TTN: variants seen among roughly 807,000 people sequenced by gnomAD.
TTN encodes the protein connectin.
Under a neutral mutation model 3,223.0 loss-of-function variants are expected in TTN, and 1,525 were observed. The observed-to-expected ratio is 0.47, with a 90% CI of 0.45 to 0.49. TTN has a LOEUF of 0.49. TTN is among the 20% of genes least tolerant of loss of function. The pLI is 0.00. For synonymous variants in TTN, 14,094 were observed against 15,161.0 expected, an observed-to-expected ratio of 0.93 and a Z score of 5.17; for missense variants, 40,786 against 43,424.0, an observed-to-expected ratio of 0.94 and a Z score of 5.40.
chr2:178,752,743 G>A (rs2085890167), intron 47 of TTN, among the ~76,000 whole-genome samples: 1 of 152,042 alleles, frequency 6.6e-6, no homozygotes, highest in Admixed American at 6.6e-5. Context: ...TGCATTCTGA[G>A]AATGACAGCT....
chr2:178,685,259 C>A lies in TTN; in HGVS notation c.32464G>T (p.Ala10822Ser). The change falls in exon 129 of 363, where the codon GCT (alanine) becomes TCT (serine). Residue 10822 changes from alanine to serine, a missense_variant. By Grantham distance (99) the Ala-to-Ser change is moderately conservative (BLOSUM62 1). Coordinates refer to ENST00000589042, the MANE Select transcript of TTN (RefSeq NM_001267550.2). The part of the protein sequence containing the change: ...IPAKIEEPPP[A>S]KVPEAPKKIV... The stretch of plus-strand genomic sequence containing the variant: ...TCTTTGAAAGAAATCATACCTTTAG[C>A]CGGTGGAGGCTCCTCTATTTTAGCA... 4 of 1,545,580 alleles carry A rather than the reference C, an allele frequency of 2.6e-6. No individual in the cohort carries two copies. The highest frequency in any genetic ancestry group is 3.5e-6 in the Non-Finnish European group (4 of 1,145,526).
intron 43 of TTN, among the ~76,000 whole-genome samples, chr2:178,762,365 C>A (rs1221474760): frequency 1.3e-5 from 2 of 152,162 alleles, no homozygotes; most frequent in Non-Finnish European, 2.9e-5. Context: ...TTTACAAAGC[C>A]TATTCAAACC....
At chr2:178,643,482 T>C (rs2061506368) in intron 218 of TTN, among the ~76,000 whole-genome samples, 1 of 151,960 alleles carries the variant, frequency 6.6e-6, no homozygotes, top group Admixed American at 6.6e-5. Context: ...TTAATAACTA[T>C]TTTTATTGCT....
In TTN at chr2:178,571,238, T is replaced by C; in HGVS notation, c.74894A>G (p.Gln24965Arg). ...AAGGCCAGTTGTCTTAAACTTGGTT[T>C]GAGGAATAGGTGTTTTATTCAACTT... ...WVKLNKTPIP[Q>R]TKFKTTGLEE... is the part of the protein sequence containing the mutation. The change falls in exon 326 of 363, where the codon CAA becomes CGA. Residue 24965 changes from glutamine to arginine, a missense_variant. Coordinates refer to ENST00000589042, the MANE Select transcript of TTN (RefSeq NM_001267550.2). The C allele has an allele frequency of 6.2e-7, 1 of 1,613,560 alleles. No individual in the cohort carries two copies. Among genetic ancestry groups the C allele is most frequent in the Non-Finnish European group, 8.5e-7 (1 of 1,179,628 alleles).
At chr2:178,587,019 T>C (rs181791931) in intron 307 of TTN, 99 bp downstream of exon 307, 2 of 1,502,688 alleles carry the variant, frequency 1.3e-6, no homozygotes, top group Non-Finnish European at 1.8e-6. Context: ...TCTCTACAAA[T>C]GAAATCTCTT....
chr2:178,612,232 G>C, intron 266 of TTN, 45 bp downstream of exon 266: 3 of 1,605,920 alleles, frequency 1.9e-6, no homozygotes, highest in Non-Finnish European at 2.5e-6. Context: ...CAAAAATTAA[G>C]TGCGAGAGCA....
Position 178,542,341 on chromosome 2 carries a change from A to G in TTN, c.97415T>C (p.Phe32472Ser). The change falls in exon 349 of 363, where the codon TTC becomes TCC. Residue 32472 changes from phenylalanine (F) to serine (S), a missense_variant. By Grantham distance (155) the Phe-to-Ser change is radical. Coordinates refer to ENST00000589042, the MANE Select transcript of TTN (RefSeq NM_001267550.2). ...GAAGCGGTTTGTTGCAGCCACACGG[A>G]ACACATACTCATTTCCTTCGGTGAG... ...TRLTEGNEYV[F>S]RVAATNRFGI... The G allele has an allele frequency of 6.2e-7, 1 of 1,613,506 alleles. No individual in the cohort carries two copies. Among genetic ancestry groups the G allele is most frequent in the Non-Finnish European group, 8.5e-7 (1 of 1,179,664 alleles).
intron 164 of TTN, 115 bp from the exon 165 acceptor site, chr2:178,665,575 T>C (rs2065786290): frequency 1.5e-6 from 2 of 1,341,066 alleles, no homozygotes; most frequent in Non-Finnish European, 2.1e-6. Context: ...TTAAAGAATC[T>C]GAGGAGGTAT....
chr2:178,584,493 A>G lies in TTN; in HGVS notation c.65058T>C (p.Asp21686=). 3 of 1,613,316 alleles carry G rather than the reference A, an allele frequency of 1.9e-6. No individual in the cohort carries two copies. Among genetic ancestry groups the G allele is most frequent in the Non-Finnish European group, 2.5e-6 (3 of 1,179,546 alleles). Residue 21686 remains aspartate, a synonymous_variant, in exon 311 of 363, where the codon GAT becomes GAC. Transcript: ENST00000589042. The part of the protein sequence containing the change: ...IFVAWDRPDS[D]GGSPIIGYLI... The stretch of plus-strand genomic sequence containing the variant: ...GATAACCAATAATGGGGCTCCCTCC[A>G]TCACTATCTGGTCTGTCCCAAGCAA...
chr2:178,608,479 T>G lies in TTN; in HGVS notation c.52406-2A>C, dbSNP rs753798236. 3 of 1,574,136 alleles carry G rather than the reference T, an allele frequency of 1.9e-6. No homozygotes were observed. In the African/African-American group the frequency reaches 4.1e-5, roughly 22 times the overall value. On this transcript the variant is annotated splice_acceptor_variant, in intron 274 of 362. Transcript: ENST00000589042. LOFTEE classifies it high-confidence loss of function. ...GCTTATCTGGTGCATCAGGTGGTCC[T>G]GATAAAAAAATAACATTTGAAGTAA... is the stretch of plus-strand genomic sequence containing the variant.
At position 178,540,265 on chromosome 2, in the gene TTN, C is replaced by G. The variant is rs752930173; in HGVS notation, c.97901G>C (p.Gly32634Ala). The change falls in exon 351 of 363, where the codon GGC becomes GCC. Residue 32634 changes from glycine (G) to alanine (A), a missense_variant. Physicochemically the swap from Gly to Ala is moderately conservative, Grantham distance 60. Transcript: ENST00000589042. ...TACTTTTTGCATTTCAATCAAGTAG[C>G]CTGTGACTTTAGATCCTCCTTCATC... ...PEDEGGSKVT[G>A]YLIEMQKVDQ... The G allele has an allele frequency of 6.8e-6, 11 of 1,613,720 alleles. No individual in the cohort carries two copies. In the African/African-American group the frequency reaches 1.1e-4, roughly 16 times the overall value.
intron 17 of TTN, among the ~76,000 whole-genome samples, chr2:178,783,460 C>G (rs2092947000): frequency 6.6e-6 from 1 of 152,078 alleles, no homozygotes; most frequent in Non-Finnish European, 1.5e-5. Flanking sequence ...CTGCACAGCT[C>G]CTGCAATAAT....
chr2:178,746,604 T>C, intron 47 of TTN: 1 of 1,613,254 alleles, frequency 6.2e-7, no homozygotes, highest in Non-Finnish European at 8.5e-7. Flanking sequence ...TTTGCAAAGC[T>C]CTTTGCTTCC....
chr2:178,607,397 T>C lies in TTN; in HGVS notation c.53287+4A>G. On this transcript the variant is annotated splice_donor_region_variant and intron_variant, in intron 277 of 362. Coordinates refer to ENST00000589042, the MANE Select transcript of TTN (RefSeq NM_001267550.2). ...CCTGTGAAAATCAGTGCAACATTCCTTACCAAAAACTTCTACCCTGGCTGC... is the reference window on the plus strand; with the variant it reads ...CCTGTGAAAATCAGTGCAACATTCCCTACCAAAAACTTCTACCCTGGCTGC... 1 of 1,612,988 alleles carries C rather than the reference T, an allele frequency of 6.2e-7. No homozygotes were observed. The highest frequency in any genetic ancestry group is 8.5e-7 in the Non-Finnish European group (1 of 1,179,336).
chr2:178,724,702 T>C (rs912432192), intron 71 of TTN, 164 bp from the exon 72 acceptor site: 9 of 616,884 alleles, frequency 1.5e-5, no homozygotes, highest in East Asian at 6.9e-5. Flanking sequence ...CATAGAATTA[T>C]AGCTATTTTT....
At position 178,575,052 on chromosome 2, in the gene TTN, T is replaced by G. The variant is rs1432742107; in HGVS notation, c.71080A>C (p.Asn23694His). 1 of 1,613,468 alleles carries G rather than the reference T, an allele frequency of 6.2e-7. No homozygotes were observed. The highest frequency in any genetic ancestry group is 1.1e-5 in the South Asian group (1 of 91,074). Residue 23694 changes from asparagine (N) to histidine (H), a missense_variant, in exon 326 of 363, where the codon AAT (asparagine) becomes CAT (histidine). Asn to His is a moderately conservative substitution (Grantham distance 68). Transcript: ENST00000589042. The surrounding 1 kb of genome is among the most constrained non-coding windows in gnomAD (Gnocchi z 4.0). ...TTATSTILNI[N>H]ECVRSDSGPY... ...CCACTATCACTTCTGACACACTCAT[T>G]GATATTTAAAATGGTTGAAGTCGCT...
At chr2:178,757,969 C>A in intron 44 of TTN, 53 bp from the exon 45 acceptor site, 1 of 1,494,226 alleles carries the variant, frequency 6.7e-7, no homozygotes. Context: ...GAAACCAGAA[C>A]TCATTTGGAG....
chr2:178,777,880 G>C lies in TTN; in HGVS notation c.4304C>G (p.Ala1435Gly), dbSNP rs1399591625. ...ARMSPARMSP[A>G]RMSPGRRLEE... ...CAGCCTACGTCCAGGGGACATTCTT[G>C]CAGGGGACATCCGTGCAGGAGACAT... The change falls in exon 25 of 363, where the codon GCA (alanine) becomes GGA (glycine). Residue 1435 changes from alanine to glycine, a missense_variant. Ala to Gly is a moderately conservative substitution (Grantham distance 60). Transcript: ENST00000589042. 6.2e-7 allele frequency: 1 copy of C among 1,614,048 alleles called. No individual in the cohort carries two copies. Among genetic ancestry groups the C allele is most frequent in the East Asian group, 2.2e-5 (1 of 44,862 alleles).
In TTN at chr2:178,578,822, A is replaced by T. The variant is rs727503575; in HGVS notation, c.68208T>A (p.Val22736=). The T allele has an allele frequency of 7.0e-5, 112 of 1,610,910 alleles. No individual in the cohort carries two copies. The highest frequency in any genetic ancestry group is 8.1e-5 in the Non-Finnish European group (96 of 1,178,028). Residue 22736 remains valine, a synonymous_variant, in exon 320 of 363, where the codon GTT becomes GTA. Transcript: ENST00000589042. ...GACACTTACCAAATGGATGTCTCGCAACAATTGGCTCCGATTTCAGGCCTT... is the reference window on the plus strand; with the variant it reads ...GACACTTACCAAATGGATGTCTCGCTACAATTGGCTCCGATTTCAGGCCTT... ...VGEGLKSEPI[V]ARHPFDVPDA... is the part of the protein sequence containing the mutation.
Sources: gnomAD v4.1 joint callset for allele counts (sites outside exome capture counted in the v4.1 genomes callset) on GRCh38, gnomAD v4.1.1 for gene constraint, Gnocchi (gnomAD v3.1) non-coding constraint, MANE v1.5 for transcripts, NCBI Gene and HGNC (gene_info 2026-07-23, HGNC 2026-07-21) for gene names.